TENM3: variants seen among roughly 807,000 people sequenced by gnomAD.
TENM3 encodes the protein teneurin transmembrane protein 3, also known as teneurin-3.
In TENM3, 63 loss-of-function variants were observed where a neutral mutation model predicts 255.1. That is an observed-to-expected ratio of 0.25 (90% CI 0.20 to 0.30). The LOEUF (loss-of-function observed/expected upper bound fraction) is 0.30, where lower values mean the gene tolerates loss of function less well. TENM3 is among the 10% of genes least tolerant of loss of function. TENM3 has a pLI of 1.00. For missense variants in TENM3, 2,929 were observed against 3,461.1 expected (o/e 0.85, Z 3.86); for synonymous variants, 1,306 against 1,322.3 (o/e 0.99, Z 0.27).
chr4:182,176,005 G>T (rs886560489), intron 1 of TENM3, among the ~76,000 whole-genome samples: 1 of 151,854 alleles, frequency 6.6e-6, no homozygotes, highest in Non-Finnish European at 1.5e-5. Context: ...CATTAACTAT[G>T]CCTTGAACAA....
At chr4:182,655,679 G>T (rs942222882) in intron 6 of TENM3, among the ~76,000 whole-genome samples, 1 of 152,126 alleles carries the variant, frequency 6.6e-6, no homozygotes, top group African/African-American at 2.4e-5. Context: ...CCTATCAGTC[G>T]CAGAGGTTTG....
At chr4:181,501,412 A>T in the TENM3 span, among the ~76,000 whole-genome samples, 1 of 148,584 alleles carries the variant, frequency 6.7e-6, no homozygotes, top group South Asian at 2.1e-4. Flanking sequence ...GGAGTCTCGC[A>T]CTGTCGCCTG....
the TENM3 span, among the ~76,000 whole-genome samples, chr4:181,779,145 A>C: frequency 6.6e-6 from 1 of 152,078 alleles, no homozygotes; most frequent in Non-Finnish European, 1.5e-5. Flanking sequence ...CGCTTGATCT[A>C]CCAGCACCTT....
the TENM3 span, among the ~76,000 whole-genome samples, chr4:181,660,116 T>C: frequency 6.6e-6 from 1 of 152,122 alleles, no homozygotes; most frequent in Non-Finnish European, 1.5e-5. Flanking sequence ...TAAACATTTG[T>C]TTTCTTTTTA....
At chr4:181,858,201 C>T in the TENM3 span, among the ~76,000 whole-genome samples, 1 of 152,220 alleles carries the variant, frequency 6.6e-6, no homozygotes, top group African/African-American at 2.4e-5. Flanking sequence ...ATCTTCCCAC[C>T]TCAGCCTCCT....
At chr4:182,700,321 T>C in intron 12 of TENM3, among the ~76,000 whole-genome samples, 1 of 152,226 alleles carries the variant, frequency 6.6e-6, no homozygotes, top group Non-Finnish European at 1.5e-5. Flanking sequence ...TATGTTGTTA[T>C]CTTTTCAATG....
At chr4:182,100,294 A>C in the TENM3 span, among the ~76,000 whole-genome samples, 1 of 151,782 alleles carries the variant, frequency 6.6e-6, no homozygotes, top group Non-Finnish European at 1.5e-5. Flanking sequence ...TTCATGTCTC[A>C]TCCTTACCTA....
intron 3 of TENM3, among the ~76,000 whole-genome samples, chr4:182,396,838 T>C (rs1020629302): frequency 6.6e-6 from 1 of 152,104 alleles, no homozygotes; most frequent in Non-Finnish European, 1.5e-5. Flanking sequence ...GACAGGCATC[T>C]GTAATCCCAG....
At chr4:181,697,531 C>A in the TENM3 span, among the ~76,000 whole-genome samples, 3 of 152,032 alleles carry the variant, frequency 2.0e-5, no homozygotes, top group African/African-American at 7.2e-5. Context: ...GTAGCTGGGA[C>A]TACAGGCACC....
At chr4:182,557,638 A>C (rs765867924) in intron 3 of TENM3, among the ~76,000 whole-genome samples, 2 of 152,096 alleles carry the variant, frequency 1.3e-5, no homozygotes, top group Non-Finnish European at 2.9e-5. Context: ...GTGATGCTTA[A>C]ATAGAAGCCA....
At chr4:181,616,152 G>A in the TENM3 span, among the ~76,000 whole-genome samples, 1 of 151,624 alleles carries the variant, frequency 6.6e-6, no homozygotes, top group East Asian at 1.9e-4. Flanking sequence ...GTAATTTTTA[G>A]TATGTGATGT....
chr4:182,751,790 C>G lies in TENM3; in HGVS notation c.3630-10C>G, dbSNP rs748880213. ...CTCCCTTTGATGTTTATCTATGATC[C>G]TTTTCACAGCAGCAACCCAGCTCAT... On this transcript the variant is annotated splice_polypyrimidine_tract_variant and intron_variant, in intron 19 of 27. Transcript: ENST00000511685. The G allele has an allele frequency of 6.2e-7, 1 of 1,603,590 alleles. No individual in the cohort carries two copies. The highest frequency in any genetic ancestry group is 1.1e-5 in the South Asian group (1 of 90,788).
the TENM3 span, among the ~76,000 whole-genome samples, chr4:181,917,304 G>GTT: frequency 2.0e-5 from 3 of 152,118 alleles, no homozygotes; most frequent in African/African-American, 7.2e-5. Context: ...AGTGTAAAAG[G>GTT]GATCGATAGA....
At chr4:182,110,893 A>G in the TENM3 span, among the ~76,000 whole-genome samples, 13 of 152,340 alleles carry the variant, frequency 8.5e-5, no homozygotes, top group Admixed American at 8.5e-4. Context: ...CTATAAGGCC[A>G]TTATAATTTT....
chr4:181,776,926 T>G, the TENM3 span, among the ~76,000 whole-genome samples: 1 of 152,064 alleles, frequency 6.6e-6, no homozygotes, highest in African/African-American at 2.4e-5. Flanking sequence ...AGAAGTCTTT[T>G]AATTTAATTA....
the TENM3 span, among the ~76,000 whole-genome samples, chr4:181,670,052 T>TTAG: frequency 6.6e-6 from 1 of 152,166 alleles, no homozygotes; most frequent in Non-Finnish European, 1.5e-5. Context: ...ACTTTTTATC[T>TTAG]CCAAAAGTAT....
At chr4:181,467,977 C>T in the TENM3 span, among the ~76,000 whole-genome samples, 12 of 151,920 alleles carry the variant, frequency 7.9e-5, no homozygotes, top group Admixed American at 1.3e-4. Flanking sequence ...CAAGTGATAT[C>T]GCCACAGTAC....
At chr4:181,776,523 A>C in the TENM3 span, among the ~76,000 whole-genome samples, 1 of 152,092 alleles carries the variant, frequency 6.6e-6, no homozygotes, top group African/African-American at 2.4e-5. Flanking sequence ...GTACTCATTT[A>C]CATTCCCACC....
At chr4:182,043,051 A>G in the TENM3 span, among the ~76,000 whole-genome samples, 1 of 151,948 alleles carries the variant, frequency 6.6e-6, no homozygotes, top group Admixed American at 6.6e-5. Context: ...AGCAACTACT[A>G]TTGTTTTATT....
Sources: gnomAD v4.1 joint callset for allele counts (sites outside exome capture counted in the v4.1 genomes callset) on GRCh38, gnomAD v4.1.1 for gene constraint, MANE v1.5 for transcripts, NCBI Gene and HGNC (gene_info 2026-07-23, HGNC 2026-07-21) for gene names.